The following KDM2B variants were observed in gnomAD, a reference collection of about 807,000 sequenced individuals.
KDM2B encodes lysine-specific demethylase 2B.
In KDM2B, 26 loss-of-function variants were observed where a neutral mutation model predicts 150.0. The ratio of observed to expected loss-of-function variants is 0.17; its 90% confidence interval spans 0.13 to 0.24. The LOEUF is 0.24. Ranked by LOEUF, KDM2B falls within the 10% of genes least tolerant of loss-of-function variation. The pLI is 1.00. For synonymous variants in KDM2B, 734 were observed against 729.5 expected (o/e 1.01, Z -0.10); for missense variants, 1,265 against 1,816.9 (o/e 0.70, Z 5.52).
rs10541701 is a variant in KDM2B, at chr12:121,483,716, A to AAC, written c.1734+10861_1734+10862dup. ...AACAACAAAAAAAACAAACAACAAC[A>AAC]ACACACACACACACACACACAAACA... On this transcript the variant is annotated intron_variant, in intron 12 of 22. Transcript: ENST00000377071. 1.2e-3 allele frequency among the ~76,000 whole-genome samples: 183 copies of AAC among 150,432 alleles called. 2 individuals carry two copies. The highest frequency in any genetic ancestry group is 2.8e-3 in the East Asian group (14 of 5,082).
chr12:121,478,222 G>A (rs1881607278), intron 12 of KDM2B, among the ~76,000 whole-genome samples: 2 of 151,800 alleles, frequency 1.3e-5, no homozygotes, highest in Admixed American at 1.3e-4. Flanking sequence ...GGGCGGGTTT[G>A]TTATATAGGT....
intron 12 of KDM2B, among the ~76,000 whole-genome samples, chr12:121,486,975 C>CA (rs1480858242): frequency 1.3e-5 from 2 of 151,650 alleles, no homozygotes; most frequent in African/African-American, 4.8e-5. Context: ...CCCCCCGATA[C>CA]AAAAAATAAA....
intron 22 of KDM2B, among the ~76,000 whole-genome samples, chr12:121,437,428 G>A (rs1047450407): frequency 5.3e-5 from 8 of 152,048 alleles, no homozygotes; most frequent in African/African-American, 1.9e-4. Context: ...AACGGGTGGG[G>A]AGTGGGAGGG....
In KDM2B at chr12:121,440,002, G is replaced by A. The variant is rs1446145021; in HGVS notation, c.3684C>T (p.Ala1228=). 1.9e-6 allele frequency: 3 copies of A among 1,614,004 alleles called. No individual in the cohort carries two copies. The highest frequency in any genetic ancestry group is 3.3e-5 in the Admixed American group (2 of 59,998). Residue 1228 remains alanine (A), a synonymous_variant, in exon 22 of 23, where the codon GCC becomes GCT. Transcript: ENST00000377071. ...LRLAGLDITD[A]SLRLIIRHMP... ...TGTGGCGGATGATGAGCCGCAGGGA[G>A]GCATCTGTGATGTCCAGGCCTGCCA...
At chr12:121,551,800 G>T (rs375297530) in intron 4 of KDM2B, among the ~76,000 whole-genome samples, 1 of 152,016 alleles carries the variant, frequency 6.6e-6, no homozygotes. Flanking sequence ...TGATCCGCCC[G>T]CCTCAGCCTC....
chr12:121,515,091 T>C (rs181828601), intron 9 of KDM2B, among the ~76,000 whole-genome samples: 4 of 18 alleles, frequency 0.22, no homozygotes, highest in Non-Finnish European at 0.3. Context: ...ACACTCCCCG[T>C]CCCCCAATCA....
chr12:121,435,587 T>C (rs1313954452), intron 22 of KDM2B, among the ~76,000 whole-genome samples: 1 of 152,218 alleles, frequency 6.6e-6, no homozygotes, highest in African/African-American at 2.4e-5. Context: ...AGCAGAAGAC[T>C]GGGGTTTTAG....
chr12:121,442,545 C>T lies in KDM2B; in HGVS notation c.2896G>A (p.Ala966Thr). Residue 966 changes from alanine (A) to threonine (T), a missense_variant, in exon 19 of 23, where the codon GCC (alanine) becomes ACC (threonine). Physicochemically the swap from Ala to Thr is moderately conservative, Grantham distance 58. Coordinates refer to ENST00000377071, the MANE Select transcript of KDM2B (RefSeq NM_032590.5). This position sits in a 1 kb window ranked among gnomAD's most constrained non-coding sequence, Gnocchi z 7.7. ...TTGATGGGCTGCTGGTTCTCGTTGG[C>T]CAGGCTGTTCTCCGTCCTCTGGATC... ...HEIQRTENSL[A>T]NENQQPIKSE... The T allele has an allele frequency of 6.3e-7, 1 of 1,599,996 alleles. No homozygotes were observed. The highest frequency in any genetic ancestry group is 8.5e-7 in the Non-Finnish European group (1 of 1,179,870).
intron 10 of KDM2B, 129 bp from the exon 11 acceptor site, chr12:121,510,168 G>A (rs1426852753): frequency 1.9e-5 from 15 of 804,080 alleles, no homozygotes; most frequent in African/African-American, 1.0e-4. Flanking sequence ...CTAATGGTCA[G>A]TGCCTCCAGC....
At chr12:121,425,153 C>T (rs569966303), downstream of KDM2B, among the ~76,000 whole-genome samples, 201 of 151,854 alleles carry the variant, frequency 1.3e-3, 1 homozygote, top group Non-Finnish European at 2.0e-3. Flanking sequence ...ACTAAAAATA[C>T]GAAAATTAGC....
In KDM2B at chr12:121,469,617, C is replaced by CA. The variant is rs76047421; in HGVS notation, c.1735-16274dup. ...TGGGCGACAGAGCGAGACTCCATCTCAAAAAAAAAAAAAAAGGCTACCTTG... is the reference window on the plus strand; with the variant it reads ...TGGGCGACAGAGCGAGACTCCATCTCAAAAAAAAAAAAAAAAGGCTACCTTG... On this transcript the variant is annotated intron_variant, in intron 12 of 22. Coordinates refer to ENST00000377071, the MANE Select transcript of KDM2B (RefSeq NM_032590.5). 5.9e-3 allele frequency: 769 copies of CA among 129,324 alleles called. 7 individuals carry two copies. Among genetic ancestry groups the CA allele is most frequent in the East Asian group, 0.028 (123 of 4,386 alleles). 8.0% of individuals were successfully genotyped at this position (129,324 alleles called of 1,614,324 possible).
chr12:121,470,617 G>A (rs1200214804), intron 12 of KDM2B: 4 of 152,280 alleles, frequency 2.6e-5, no homozygotes, highest in African/African-American at 9.6e-5. Context: ...CAGATGAGGA[G>A]ACTGAGGCGC....
At chr12:121,465,785 C>T (rs1426927273) in intron 12 of KDM2B, among the ~76,000 whole-genome samples, 3 of 152,110 alleles carry the variant, frequency 2.0e-5, no homozygotes, top group African/African-American at 7.2e-5. Flanking sequence ...GACCAAATGC[C>T]CCAGAAATGG....
intron 22 of KDM2B, among the ~76,000 whole-genome samples, chr12:121,433,516 A>G (rs1048009411): frequency 1.3e-5 from 2 of 152,232 alleles, no homozygotes; most frequent in Admixed American, 1.3e-4. Context: ...CACCATGCCT[A>G]GCTTCAGGAA....
At chr12:121,458,709 G>A (rs566549870) in intron 12 of KDM2B, among the ~76,000 whole-genome samples, 30 of 152,276 alleles carry the variant, frequency 2.0e-4, no homozygotes, top group Admixed American at 8.5e-4. Flanking sequence ...GCTGAGGCAG[G>A]AGAATCACTT....
At chr12:121,417,844 C>T in the KDM2B span, 2 of 1,614,142 alleles carry the variant, frequency 1.2e-6, no homozygotes, top group Non-Finnish European at 8.5e-7. This position sits in a 1 kb window ranked among gnomAD's most constrained non-coding sequence, Gnocchi z 5.0. Context: ...CCCTCTGCTA[C>T]TATGTCTTCG....
the KDM2B span, among the ~76,000 whole-genome samples, chr12:121,413,370 G>T: frequency 6.7e-6 from 1 of 150,120 alleles, no homozygotes; most frequent in East Asian, 1.9e-4. Context: ...AGAGTTTGAG[G>T]TATATAATCA....
At chr12:121,545,679 C>A (rs1030244358) in intron 6 of KDM2B, among the ~76,000 whole-genome samples, 1 of 152,178 alleles carries the variant, frequency 6.6e-6, no homozygotes, top group Non-Finnish European at 1.5e-5. Flanking sequence ...TCCTCATGTT[C>A]ACGTGCCCCC....
intron 13 of KDM2B, among the ~76,000 whole-genome samples, chr12:121,449,897 G>C (rs1555291175): frequency 6.6e-6 from 1 of 152,184 alleles, no homozygotes; most frequent in African/African-American, 2.4e-5. Flanking sequence ...TGCAGCAAAA[G>C]AAAGAACTGA....
Sources: gnomAD v4.1 joint callset for allele counts (sites outside exome capture counted in the v4.1 genomes callset) on GRCh38, gnomAD v4.1.1 for gene constraint, Gnocchi (gnomAD v3.1) non-coding constraint, MANE v1.5 for transcripts, NCBI Gene and HGNC (gene_info 2026-07-23, HGNC 2026-07-21) for gene names.